ATP2C1: variants seen among roughly 807,000 people sequenced by gnomAD.
ATP2C1 encodes the protein ATPase secretory pathway Ca2+ transporting 1, also known as calcium-transporting ATPase type 2C member 1.
ATP2C1 carries 31 observed loss-of-function variants against 120.5 expected under a neutral mutation model. The observed-to-expected ratio is 0.26, with a 90% CI of 0.19 to 0.35. ATP2C1 has a LOEUF of 0.35. Ranked by LOEUF, ATP2C1 falls within the 10% of genes least tolerant of loss-of-function variation. ATP2C1 has a pLI of 1.00. For missense variants in ATP2C1, 731 were observed against 1,107.5 expected (o/e 0.66, Z 4.83); for synonymous variants, 351 against 358.7 (o/e 0.98, Z 0.24).
At chr3:130,940,756 C>G (rs1576803942) in intron 7 of ATP2C1, 65 bp downstream of exon 7, 10 of 1,187,052 alleles carry the variant, frequency 8.4e-6, no homozygotes, top group Middle Eastern at 1.9e-4. Flanking sequence ...GTGACTAGTA[C>G]CGTACATATT....
intron 2 of ATP2C1, among the ~76,000 whole-genome samples, chr3:130,916,903 G>A (rs2058715545): frequency 1.3e-5 from 2 of 152,110 alleles, no homozygotes; most frequent in African/African-American, 4.8e-5. Context: ...GTAAATCAAT[G>A]TGTACTGACT....
intron 8 of ATP2C1, among the ~76,000 whole-genome samples, chr3:130,949,373 C>T (rs960134296): frequency 6.6e-6 from 1 of 152,058 alleles, no homozygotes; most frequent in African/African-American, 2.4e-5. Flanking sequence ...AAACCTAATC[C>T]AGAGCAGGAC....
chr3:131,013,977 C>G, intron 26 of ATP2C1: 1 of 1,029,252 alleles, frequency 9.7e-7, no homozygotes, highest in Non-Finnish European at 1.4e-6. Flanking sequence ...AAAGAAAAAG[C>G]TAATTGTTTC....
intron 2 of ATP2C1, among the ~76,000 whole-genome samples, chr3:130,896,100 C>T (rs1027935987): frequency 6.6e-6 from 1 of 152,206 alleles, no homozygotes; most frequent in African/African-American, 2.4e-5. Context: ...CATTCATATA[C>T]TTGTTTCTTG....
In ATP2C1 at chr3:131,001,112, A is replaced by G. The variant is rs1298532805; in HGVS notation, c.2630-108A>G. On this transcript the variant is annotated intron_variant, in intron 27 of 27. Coordinates refer to ENST00000510168, the MANE Select transcript of ATP2C1 (RefSeq NM_001378687.1). ...AGCAAGACTTCATCTCAGAAAAAAAAAAAAAAAAAAAAAAAGTTGTGTTAA... is the reference window on the plus strand; with the variant it reads ...AGCAAGACTTCATCTCAGAAAAAAAGAAAAAAAAAAAAAAAGTTGTGTTAA... The G allele has an allele frequency of 7.0e-6, 6 of 856,608 alleles. No homozygotes were observed. In the African/African-American group the frequency reaches 8.9e-5, roughly 13 times the overall value. 53.1% of individuals were successfully genotyped at this position (856,608 alleles called of 1,614,324 possible).
intron 1 of ATP2C1, among the ~76,000 whole-genome samples, chr3:130,877,676 T>C (rs909544221): frequency 1.3e-5 from 2 of 151,980 alleles, no homozygotes; most frequent in South Asian, 2.1e-4. Context: ...AGGAACACTT[T>C]TACACTGTTG....
intron 26 of ATP2C1, chr3:131,014,161 TC>T: frequency 6.2e-7 from 1 of 1,613,832 alleles, no homozygotes; most frequent in Non-Finnish European, 8.5e-7. Flanking sequence ...GCAGTGGTTC[TC>T]CCTCTGTTCT....
In ATP2C1 at chr3:130,934,550, T is replaced by G; in HGVS notation, c.235-72T>G. On this transcript the variant is annotated intron_variant, in intron 4 of 27. Coordinates refer to ENST00000510168, the MANE Select transcript of ATP2C1 (RefSeq NM_001378687.1). ...CCAGTCATGCTCTTATGGTTTTTTT[T>G]TTTTAAAGCCTTTGCTGAGAGAACT... 3.0e-6 allele frequency: 3 copies of G among 1,002,838 alleles called. 1 individual carries two copies. In the South Asian group the frequency reaches 4.1e-5, roughly 14 times the overall value. 62.1% of individuals were successfully genotyped at this position (1,002,838 alleles called of 1,614,324 possible).
intron 22 of ATP2C1, 57 bp downstream of exon 22, chr3:130,994,155 C>A: frequency 1.3e-6 from 2 of 1,591,906 alleles, no homozygotes; most frequent in Non-Finnish European, 1.7e-6. Context: ...CTTTCCTGTC[C>A]CCCACCCCTA....
At chr3:130,998,229 A>C in intron 25 of ATP2C1, 65 bp from the exon 26 acceptor site, 1 of 1,080,170 alleles carries the variant, frequency 9.3e-7, no homozygotes, top group Non-Finnish European at 1.4e-6. Flanking sequence ...ATATTTTTTA[A>C]AAAGCAGCGA....
intron 25 of ATP2C1, among the ~76,000 whole-genome samples, chr3:130,998,059 G>C (rs529196275): frequency 6.6e-6 from 1 of 151,858 alleles, no homozygotes; most frequent in Non-Finnish European, 1.5e-5. Context: ...AATAATAACA[G>C]TATTTTAATA....
chr3:130,891,436 C>A (rs1326251061), upstream of ATP2C1, among the ~76,000 whole-genome samples: 4 of 152,110 alleles, frequency 2.6e-5, no homozygotes, highest in Non-Finnish European at 5.9e-5. Context: ...AATATTTCCC[C>A]CAAGCGGAAA....
At chr3:130,850,826 T>C in exon 1 of ATP2C1, 1 of 1,442,724 alleles carries the variant, frequency 6.9e-7, no homozygotes, top group South Asian at 1.4e-5. Flanking sequence ...TCACTATGGA[T>C]AGTCTGTTGC....
intron 2 of ATP2C1, among the ~76,000 whole-genome samples, chr3:130,912,755 A>G (rs1181170723): frequency 1.0e-4 from 15 of 149,708 alleles, no homozygotes; most frequent in South Asian, 2.1e-4. Context: ...ATTACTGGGT[A>G]TATACCCAAA....
Position 130,912,358 on chromosome 3 carries a change from C to G in ATP2C1, c.6+17583C>G, listed in dbSNP as rs1185091756. 5.3e-5 allele frequency among the ~76,000 whole-genome samples: 8 copies of G among 151,746 alleles called. No homozygotes were observed. In the South Asian group the frequency reaches 8.3e-4, roughly 16 times the overall value. ...AAATTTTCGCAACCTACTCATCTGA[C>G]AAAGGGCAAATATCCAGAATCTACA... On this transcript the variant is annotated intron_variant, in intron 2 of 27. Transcript: ENST00000510168.
At chr3:130,945,175 T>C (rs2060091159) in intron 8 of ATP2C1, among the ~76,000 whole-genome samples, 1 of 152,024 alleles carries the variant, frequency 6.6e-6, no homozygotes. Flanking sequence ...GAATTGAGCT[T>C]TGGGCATGTT....
intron 5 of ATP2C1, among the ~76,000 whole-genome samples, chr3:130,937,128 A>T (rs573245183): frequency 6.6e-6 from 1 of 152,314 alleles, no homozygotes. Flanking sequence ...TAGTTGAAAA[A>T]TTTGATATGG....
chr3:130,919,884 T>G (rs2058873038), intron 2 of ATP2C1, among the ~76,000 whole-genome samples: 1 of 152,220 alleles, frequency 6.6e-6, no homozygotes. Context: ...TGATAATAGT[T>G]TTCCTTACAG....
Position 130,979,433 on chromosome 3 carries a change from GCTTT to G in ATP2C1, c.1741+19_1741+22del. The G allele has an allele frequency of 6.2e-7, 1 of 1,612,556 alleles. No individual in the cohort carries two copies. Among genetic ancestry groups the G allele is most frequent in the Non-Finnish European group, 8.5e-7 (1 of 1,179,056 alleles). ...CAGTTGCAATCGGTATAACTAGACT[GCTTT>G]CTTTTGTTTTCGATAGTTTTTCTTA... On this transcript the variant is annotated intron_variant, in intron 19 of 27. Transcript: ENST00000510168.
Sources: gnomAD v4.1 joint callset for allele counts (sites outside exome capture counted in the v4.1 genomes callset) on GRCh38, gnomAD v4.1.1 for gene constraint, MANE v1.5 for transcripts, NCBI Gene and HGNC (gene_info 2026-07-23, HGNC 2026-07-21) for gene names.